The following SRGAP1 variants were observed in gnomAD, a reference collection of about 807,000 sequenced individuals.
The protein encoded by SRGAP1 is SLIT-ROBO Rho GTPase-activating protein 1.
In SRGAP1, 43 loss-of-function variants were observed where a neutral mutation model predicts 121.9. The ratio of observed to expected loss-of-function variants is 0.35; its 90% confidence interval spans 0.28 to 0.46. SRGAP1 has a LOEUF of 0.46. SRGAP1 is among the 20% of genes least tolerant of loss of function. The probability of loss-of-function intolerance (pLI) is 1.00; values close to 1 mark genes in which losing one functional copy is unlikely to be tolerated. For missense variants in SRGAP1, 1,102 were observed against 1,350.9 expected (o/e 0.82, Z 2.89); for synonymous variants, 447 against 485.4 (o/e 0.92, Z 1.04).
At chr12:63,898,582 GA>G (rs1017010261) in intron 1 of SRGAP1, among the ~76,000 whole-genome samples, 4 of 152,062 alleles carry the variant, frequency 2.6e-5, no homozygotes, top group Admixed American at 6.6e-5. Flanking sequence ...ACTTTTAGGA[GA>G]TTTACATTAC....
chr12:63,990,315 C>T (rs775536428), intron 3 of SRGAP1, among the ~76,000 whole-genome samples: 4 of 152,124 alleles, frequency 2.6e-5, no homozygotes, highest in African/African-American at 4.8e-5. Context: ...GGGTGGATCA[C>T]GAGGCCAAGA....
intron 1 of SRGAP1, chr12:63,982,954 T>G (rs2033292599): frequency 6.6e-6 from 1 of 152,218 alleles, no homozygotes; most frequent in African/African-American, 2.4e-5. Flanking sequence ...AGAGGATTCT[T>G]TGAGGATTAA....
intron 1 of SRGAP1, among the ~76,000 whole-genome samples, chr12:63,892,812 C>T (rs970258721): frequency 1.3e-5 from 2 of 151,972 alleles, no homozygotes; most frequent in Non-Finnish European, 2.9e-5. Context: ...ATTCGGAGTG[C>T]GAAATGGCTG....
At chr12:63,917,260 A>G (rs1221626463) in intron 1 of SRGAP1, among the ~76,000 whole-genome samples, 1 of 152,188 alleles carries the variant, frequency 6.6e-6, no homozygotes, top group African/African-American at 2.4e-5. Flanking sequence ...ATTATTATTC[A>G]TCTGGGATTC....
intron 1 of SRGAP1, among the ~76,000 whole-genome samples, chr12:63,861,303 T>TA (rs528177943): frequency 0.015 from 1,870 of 120,864 alleles, 22 homozygotes; most frequent in African/African-American, 0.042. Context: ...TATATATATA[T>TA]TTTTTTTTTT....
intron 1 of SRGAP1, among the ~76,000 whole-genome samples, chr12:63,846,686 G>A (rs374598976): frequency 1.6e-4 from 24 of 152,184 alleles, no homozygotes; most frequent in African/African-American, 5.5e-4. Flanking sequence ...ACACCCACGA[G>A]TCCCTAGGCT....
rs2037199963 is a variant in SRGAP1, at chr12:64,160,315, T to C, written c.*17643T>C. 1 of 152,232 alleles carries C rather than the reference T, an allele frequency of 6.6e-6. No individual in the cohort carries two copies. The highest frequency in any genetic ancestry group is 1.5e-5 in the Non-Finnish European group (1 of 68,044). The allele number at this position is 152,232 out of a possible 1,614,324, so 9.4% of individuals were successfully genotyped here. A position where few individuals can be genotyped will look rare whatever the true frequency, so the allele number is the denominator to read the frequency against. ...ATCAGCTTCCTGATTGAGAGTGTAT[T>C]TTGAGACATTCCATGTCTAGAAAGT... On this transcript the variant is annotated 3_prime_UTR_variant, in exon 22 of 22. Coordinates refer to ENST00000355086, the MANE Select transcript of SRGAP1 (RefSeq NM_020762.4).
chr12:64,038,153 T>A (rs1471906965), intron 4 of SRGAP1, among the ~76,000 whole-genome samples: 1 of 152,204 alleles, frequency 6.6e-6, no homozygotes, highest in African/African-American at 2.4e-5. Flanking sequence ...TAAAGGTACT[T>A]ATTTCATAAG....
At chr12:63,912,504 C>T (rs751708823) in intron 1 of SRGAP1, among the ~76,000 whole-genome samples, 40 of 151,990 alleles carry the variant, frequency 2.6e-4, no homozygotes, top group Non-Finnish European at 5.0e-4. Flanking sequence ...ACCCCAGCTA[C>T]TTGGGAGGCT....
At chr12:64,109,491 T>A (rs1283738961) in intron 16 of SRGAP1, among the ~76,000 whole-genome samples, 1 of 152,212 alleles carries the variant, frequency 6.6e-6, no homozygotes, top group Non-Finnish European at 1.5e-5. Flanking sequence ...AAATTCACTG[T>A]AATGAGACCT....
intron 1 of SRGAP1, among the ~76,000 whole-genome samples, chr12:63,884,864 C>T (rs1044711497): frequency 9.9e-5 from 15 of 151,842 alleles, no homozygotes; most frequent in African/African-American, 2.7e-4. Context: ...GGACTACAGG[C>T]GCCCGCCACC....
intron 15 of SRGAP1, 35 bp downstream of exon 15, chr12:64,097,410 A>G (rs1489358793): frequency 1.2e-6 from 2 of 1,606,476 alleles, no homozygotes; most frequent in African/African-American, 2.7e-5. Context: ...TTCCCACAAG[A>G]ATTATTTCAC....
At chr12:63,983,842 A>G (rs924685786) in intron 1 of SRGAP1, 105 bp from the exon 2 acceptor site, 1 of 80,370 alleles carries the variant, frequency 1.2e-5, no homozygotes, top group Non-Finnish European at 2.5e-5. Context: ...ATATATATAT[A>G]TATATATATA....
chr12:63,919,217 C>T (rs560263273), intron 1 of SRGAP1, among the ~76,000 whole-genome samples: 93 of 152,114 alleles, frequency 6.1e-4, no homozygotes, highest in Non-Finnish European at 1.0e-3. Context: ...ACCACTATGC[C>T]TGGCTACTTT....
intron 1 of SRGAP1, among the ~76,000 whole-genome samples, chr12:63,954,550 T>C (rs926945393): frequency 2.6e-5 from 4 of 151,382 alleles, no homozygotes; most frequent in African/African-American, 9.7e-5. Flanking sequence ...TGGTGGTGGG[T>C]GCCTGTAGTC....
chr12:64,090,507 A>C (rs889950218), intron 11 of SRGAP1, among the ~76,000 whole-genome samples: 1 of 152,178 alleles, frequency 6.6e-6, no homozygotes, highest in African/African-American at 2.4e-5. Flanking sequence ...AAATTCCATT[A>C]CTGCTGGAGG....
chr12:64,132,185 G>A (rs1452897617), intron 21 of SRGAP1, among the ~76,000 whole-genome samples: 1 of 152,124 alleles, frequency 6.6e-6, no homozygotes, highest in East Asian at 1.9e-4. Flanking sequence ...AAAAGAAAAG[G>A]AGAGCAGTTA....
intron 1 of SRGAP1, among the ~76,000 whole-genome samples, chr12:63,949,053 T>G (rs1010168884): frequency 6.8e-6 from 1 of 146,718 alleles, no homozygotes; most frequent in Non-Finnish European, 1.5e-5. Flanking sequence ...CATATATGTA[T>G]TTTCCATATA....
At chr12:64,142,197 T>A in intron 21 of SRGAP1, 98 bp from the exon 22 acceptor site, 1 of 1,295,014 alleles carries the variant, frequency 7.7e-7, no homozygotes, top group Admixed American at 2.1e-5. Flanking sequence ...ATCCATACTC[T>A]GCTGGGCCGT....
Sources: gnomAD v4.1 joint callset for allele counts (sites outside exome capture counted in the v4.1 genomes callset) on GRCh38, gnomAD v4.1.1 for gene constraint, MANE v1.5 for transcripts, NCBI Gene and HGNC (gene_info 2026-07-23, HGNC 2026-07-21) for gene names.